SUMF1: variants seen among roughly 807,000 people sequenced by gnomAD.
The protein encoded by SUMF1 is sulfatase modifying factor 1, also known as formylglycine-generating enzyme.
SUMF1 carries 48 observed loss-of-function variants against 47.6 expected under a neutral mutation model. The observed-to-expected ratio is 1.01, with a 90% confidence interval of 0.80 to 1.28. The LOEUF (loss-of-function observed/expected upper bound fraction) is 1.28, where lower values mean the gene tolerates loss of function less well. Among genes scored for constraint, SUMF1 ranks in the 50% most tolerant of loss-of-function variants. SUMF1 has a pLI of 0.00. For missense variants in SUMF1, 571 were observed against 485.4 expected (o/e 1.18, Z -1.66); for synonymous variants, 230 against 192.1 (o/e 1.20, Z -1.63).
intron 8 of SUMF1, among the ~76,000 whole-genome samples, chr3:4,362,461 C>T (rs552423071): frequency 5.3e-4 from 81 of 152,102 alleles, no homozygotes; most frequent in African/African-American, 1.9e-3. Flanking sequence ...AAATGTAACA[C>T]GGATATAGTA....
intron 8 of SUMF1, among the ~76,000 whole-genome samples, chr3:4,286,512 A>G (rs899711965): frequency 1.8e-4 from 28 of 152,222 alleles, no homozygotes; most frequent in African/African-American, 6.7e-4. Context: ...TGATTGGTTT[A>G]TTTTCTGAAC....
chr3:4,268,368 T>A (rs1056346389), intron 8 of SUMF1, among the ~76,000 whole-genome samples: 1 of 152,064 alleles, frequency 6.6e-6, no homozygotes, highest in Non-Finnish European at 1.5e-5. Flanking sequence ...CACCAGCATG[T>A]CACATGTATA....
Position 4,362,173 on chromosome 3 carries a change from C to T in SUMF1, c.1096G>A (p.Ala366Thr). 6.2e-7 allele frequency: 1 copy of T among 1,614,180 alleles called. No individual in the cohort carries two copies. Among genetic ancestry groups the T allele is most frequent in the Non-Finnish European group, 8.5e-7 (1 of 1,180,012 alleles). ...TCCATAGTGGGCAGGCGGTCGGCTGCACAGCGGAATCCCAGATTCGAAGCA... is the reference window on the plus strand; with the variant it reads ...TCCATAGTGGGCAGGCGGTCGGCTGTACAGCGGAATCCCAGATTCGAAGCA... The part of the protein sequence containing the change: ...SSASNLGFRC[A>T]ADRLPTMD The change falls in exon 9 of 9, where the codon GCA becomes ACA. Residue 366 changes from alanine (A) to threonine (T), a missense_variant. Coordinates refer to ENST00000272902, the MANE Select transcript of SUMF1 (RefSeq NM_182760.4).
At chr3:4,126,962 A>C (rs1325933898) in intron 8 of SUMF1, among the ~76,000 whole-genome samples, 1 of 152,274 alleles carries the variant, frequency 6.6e-6, no homozygotes, top group East Asian at 1.9e-4. Flanking sequence ...CATCGTGAAG[A>C]AGAACAAAAT....
chr3:4,282,527 G>A (rs1423664597), intron 8 of SUMF1, among the ~76,000 whole-genome samples: 4 of 152,236 alleles, frequency 2.6e-5, no homozygotes, highest in Non-Finnish European at 4.4e-5. Context: ...TTGGTACTGC[G>A]AGTGGGGAAA....
At chr3:4,231,397 C>G (rs1696296548) in intron 8 of SUMF1, among the ~76,000 whole-genome samples, 2 of 152,114 alleles carry the variant, frequency 1.3e-5, no homozygotes, top group South Asian at 4.1e-4. Context: ...GAAGATAATA[C>G]AGAGAACTTT....
chr3:4,210,551 G>C (rs549988388), intron 8 of SUMF1, among the ~76,000 whole-genome samples: 2 of 152,258 alleles, frequency 1.3e-5, no homozygotes, highest in South Asian at 2.1e-4. Flanking sequence ...AATGGTGCTG[G>C]ATCATTGGAA....
chr3:4,390,132 GAGA>G (rs1700809042), intron 7 of SUMF1, among the ~76,000 whole-genome samples: 1 of 152,244 alleles, frequency 6.6e-6, no homozygotes, highest in Non-Finnish European at 1.5e-5. Flanking sequence ...CAGGGGAAGA[GAGA>G]AGGTGTGATC....
At chr3:4,229,361 C>A in intron 8 of SUMF1, 1 of 411,944 alleles carries the variant, frequency 2.4e-6, no homozygotes, top group Non-Finnish European at 4.8e-6. Flanking sequence ...TATAAATGTC[C>A]ACAGCCCCAA....
intron 8 of SUMF1, among the ~76,000 whole-genome samples, chr3:4,345,544 T>C (rs116230093): frequency 0.014 from 2,068 of 152,156 alleles, 52 homozygotes; most frequent in African/African-American, 0.047. Flanking sequence ...GCATTAAATA[T>C]GGAAAAGAAA....
At chr3:4,279,124 T>C (rs776694711) in intron 8 of SUMF1, among the ~76,000 whole-genome samples, 4 of 152,200 alleles carry the variant, frequency 2.6e-5, no homozygotes, top group Non-Finnish European at 4.4e-5. Context: ...AGAATTGCTC[T>C]AATGCAACCC....
At chr3:4,198,971 A>G (rs1287051544) in intron 8 of SUMF1, among the ~76,000 whole-genome samples, 1 of 152,170 alleles carries the variant, frequency 6.6e-6, no homozygotes, top group Non-Finnish European at 1.5e-5. Context: ...TTCCTCTTCC[A>G]CTATTTTTTC....
intron 8 of SUMF1, among the ~76,000 whole-genome samples, chr3:4,310,793 G>A (rs1405219352): frequency 7.9e-5 from 12 of 152,004 alleles, no homozygotes; most frequent in Admixed American, 5.9e-4. Flanking sequence ...AAACTTTAGC[G>A]TTTAGTGATT....
At chr3:4,368,658 C>G (rs1167828983) in intron 8 of SUMF1, among the ~76,000 whole-genome samples, 1 of 152,182 alleles carries the variant, frequency 6.6e-6, no homozygotes, top group East Asian at 1.9e-4. Context: ...TATCACGACT[C>G]ATGTCTTCTT....
At chr3:4,300,174 G>A (rs1373430123) in intron 8 of SUMF1, among the ~76,000 whole-genome samples, 2 of 152,052 alleles carry the variant, frequency 1.3e-5, no homozygotes, top group African/African-American at 2.4e-5. Flanking sequence ...CACAAGATCC[G>A]GTCATTTAAA....
At chr3:4,347,226 A>AC (rs527468541) in intron 8 of SUMF1, among the ~76,000 whole-genome samples, 113 of 152,320 alleles carry the variant, frequency 7.4e-4, no homozygotes, top group Non-Finnish European at 1.4e-3. Context: ...AAGAGACACT[A>AC]CAAAAAAAGA....
At chr3:4,175,418 C>G (rs914650654) in intron 8 of SUMF1, among the ~76,000 whole-genome samples, 2 of 152,164 alleles carry the variant, frequency 1.3e-5, no homozygotes, top group Admixed American at 6.5e-5. Flanking sequence ...GGAACTCCAG[C>G]AAACTCCAAC....
rs544643616 is a variant in SUMF1 at position 4,079,286 on chromosome 3, G to A, written c.1015-10541C>T. ...ACACACCAGAATCTTAGAGTTGGAA[G>A]GGTTTTTGGAAATCATCTAATACAG... On this transcript the variant is annotated intron_variant and NMD_transcript_variant, in intron 8 of 12. Transcript: ENST00000448413. Among the ~76,000 whole-genome samples, 5 of 152,234 alleles carry A rather than the reference G, an allele frequency of 3.3e-5. No individual in the cohort carries two copies. In the South Asian group the frequency reaches 1.0e-3, roughly 32 times the overall value.
chr3:4,426,883 T>A (rs1017581020), intron 3 of SUMF1, among the ~76,000 whole-genome samples: 15 of 152,186 alleles, frequency 9.9e-5, no homozygotes, highest in African/African-American at 3.4e-4. Context: ...ATAGCAACTG[T>A]CTAGGGTTTA....
Sources: gnomAD v4.1 joint callset for allele counts (sites outside exome capture counted in the v4.1 genomes callset) on GRCh38, gnomAD v4.1.1 for gene constraint, MANE v1.5 for transcripts, NCBI Gene and HGNC (gene_info 2026-07-23, HGNC 2026-07-21) for gene names.